DSCAM: variants seen among roughly 807,000 people sequenced by gnomAD.
DSCAM encodes DS cell adhesion molecule, also known as cell adhesion molecule DSCAM.
DSCAM carries 47 observed loss-of-function variants against 217.7 expected under a neutral mutation model. The observed-to-expected ratio is 0.22, with a 90% CI of 0.17 to 0.28. The LOEUF (loss-of-function observed/expected upper bound fraction) is 0.28, where lower values mean the gene tolerates loss of function less well. DSCAM is among the 10% of genes least tolerant of loss of function. The pLI is 1.00. For synonymous variants in DSCAM, 1,056 were observed against 1,015.3 expected (o/e 1.04, Z -0.76); for missense variants, 2,080 against 2,618.3 (o/e 0.79, Z 4.49).
At chr21:40,620,158 AAG>A (rs1291529822) in intron 3 of DSCAM, among the ~76,000 whole-genome samples, 1 of 124,236 alleles carries the variant, frequency 8.0e-6, no homozygotes, top group Non-Finnish European at 1.7e-5. Flanking sequence ...AAGAAAAAGA[AAG>A]AAAGAGAGAG....
At chr21:40,649,606 G>C (rs570252243) in intron 3 of DSCAM, among the ~76,000 whole-genome samples, 1 of 152,118 alleles carries the variant, frequency 6.6e-6, no homozygotes, top group South Asian at 2.1e-4. Context: ...AATGAGAACA[G>C]TGACACACAA....
chr21:40,308,052 G>T (rs944921378), intron 9 of DSCAM, among the ~76,000 whole-genome samples: 10 of 151,776 alleles, frequency 6.6e-5, no homozygotes, highest in African/African-American at 2.4e-4. Context: ...CCTGCACATT[G>T]TGCACATATA....
At chr21:40,348,723 T>C (rs2074594543) in intron 5 of DSCAM, among the ~76,000 whole-genome samples, 1 of 152,212 alleles carries the variant, frequency 6.6e-6, no homozygotes, top group Admixed American at 6.5e-5. Context: ...AGCATTTTGT[T>C]TGGGAACATC....
intron 11 of DSCAM, among the ~76,000 whole-genome samples, chr21:40,262,554 C>A (rs1009268858): frequency 6.6e-6 from 1 of 152,194 alleles, no homozygotes; most frequent in Non-Finnish European, 1.5e-5. Flanking sequence ...CAGCGTCACT[C>A]CAGAGTTAGG....
intron 11 of DSCAM, among the ~76,000 whole-genome samples, chr21:40,238,579 G>A (rs975137411): frequency 3.3e-5 from 5 of 152,326 alleles, no homozygotes; most frequent in Middle Eastern, 6.8e-3. Context: ...AGCGCTCTGA[G>A]TGGAAAGCAT....
intron 16 of DSCAM, among the ~76,000 whole-genome samples, chr21:40,160,825 T>A (rs2090532563): frequency 6.6e-6 from 1 of 152,208 alleles, no homozygotes; most frequent in Non-Finnish European, 1.5e-5. Context: ...ACACTTAGAT[T>A]TTTTGTGTTC....
intron 16 of DSCAM, among the ~76,000 whole-genome samples, chr21:40,148,174 GGTA>G (rs997416844): frequency 3.3e-5 from 5 of 152,106 alleles, no homozygotes; most frequent in South Asian, 2.1e-4. Context: ...GTTATTTGAT[GGTA>G]GTAGTGTTTT....
At chr21:40,405,244 T>C (rs920399009) in intron 3 of DSCAM, among the ~76,000 whole-genome samples, 2 of 152,186 alleles carry the variant, frequency 1.3e-5, no homozygotes, top group African/African-American at 4.8e-5. Context: ...CTTTCATGCA[T>C]TAAACTGGGA....
chr21:40,013,221 G>A lies in DSCAM; in HGVS notation c.5852C>T (p.Ala1951Val), dbSNP rs1390890927. ...TVLEPIPMEA[A>V]SSASSTREGQ... Reference sequence around the variant, plus strand: ...TTCTCTCGTGGAGGAGGCGGAGGAGGCGGCTTCCATCGGGATGGGCTCCAG... The same window carrying A: ...TTCTCTCGTGGAGGAGGCGGAGGAGACGGCTTCCATCGGGATGGGCTCCAG... Residue 1951 changes from alanine to valine, a missense_variant, in exon 33 of 33, where the codon GCC (alanine) becomes GTC (valine). Transcript: ENST00000400454. 1 of 1,613,902 alleles carries A rather than the reference G, an allele frequency of 6.2e-7. No individual in the cohort carries two copies. The highest frequency in any genetic ancestry group is 2.2e-5 in the East Asian group (1 of 44,854).
intron 32 of DSCAM, among the ~76,000 whole-genome samples, chr21:40,036,018 G>T (rs1449058933): frequency 1.5e-5 from 2 of 133,082 alleles, no homozygotes; most frequent in Non-Finnish European, 3.3e-5. Flanking sequence ...TCAAAGCAGT[G>T]TATAGAGGGA....
chr21:40,173,782 A>G (rs2090685790), intron 15 of DSCAM, among the ~76,000 whole-genome samples: 2 of 152,004 alleles, frequency 1.3e-5, no homozygotes, highest in Non-Finnish European at 2.9e-5. Flanking sequence ...CAAGGACTTA[A>G]CTCAGTGCCA....
At chr21:40,253,325 G>T (rs991064687) in intron 11 of DSCAM, among the ~76,000 whole-genome samples, 1 of 152,188 alleles carries the variant, frequency 6.6e-6, no homozygotes, top group Non-Finnish European at 1.5e-5. Context: ...CAAATAAATT[G>T]CATGTATTTG....
At chr21:40,341,788 T>G (rs535431456) in intron 6 of DSCAM, among the ~76,000 whole-genome samples, 1 of 152,360 alleles carries the variant, frequency 6.6e-6, no homozygotes, top group Admixed American at 6.5e-5. Flanking sequence ...TCTAACTCAC[T>G]GTCCACAGCA....
Position 40,353,567 on chromosome 21 carries a change from G to T in DSCAM, c.832C>A (p.Leu278Met). The T allele has an allele frequency of 1.9e-6, 3 of 1,610,570 alleles. No homozygotes were observed. The highest frequency in any genetic ancestry group is 2.5e-6 in the Non-Finnish European group (3 of 1,179,098). Residue 278 changes from leucine (L) to methionine (M), a missense_variant, in exon 5 of 33, where the codon CTG becomes ATG. By Grantham distance (15) the Leu-to-Met change is conservative. Around this residue, in one of 5 missense-constraint regions of DSCAM, gnomAD observed 568 missense variants for 678.1 expected, o/e 0.84. Coordinates refer to ENST00000400454, the MANE Select transcript of DSCAM (RefSeq NM_001389.5). ...SGRFQKTVTGLLIENIRPSDS... is the reference protein window; with the variant it reads ...SGRFQKTVTGMLIENIRPSDS... ...GAGGGGCGAATGTTCTCAATGAGCA[G>T]CCCCGTCACGGTCTTCTGGAACCTC...
chr21:40,402,537 A>AG (rs2075245749), intron 3 of DSCAM, among the ~76,000 whole-genome samples: 1 of 152,194 alleles, frequency 6.6e-6, no homozygotes, highest in African/African-American at 2.4e-5. Context: ...GATTTTTTCC[A>AG]CGGGGAGTAA....
At chr21:40,146,239 C>G (rs2090355335) in intron 16 of DSCAM, among the ~76,000 whole-genome samples, 2 of 149,100 alleles carry the variant, frequency 1.3e-5, no homozygotes, top group South Asian at 4.3e-4. Context: ...GGTGGGAAGA[C>G]TCAGAGCCCA....
chr21:40,760,012 T>TTTATTA (rs1418021225), intron 1 of DSCAM, among the ~76,000 whole-genome samples: 1 of 138,750 alleles, frequency 7.2e-6, no homozygotes, highest in Non-Finnish European at 1.6e-5. Context: ...TATTTATTTA[T>TTTATTA]GAGACAGAGT....
Position 40,339,173 on chromosome 21 carries a change from T to A in DSCAM, c.1453A>T (p.Thr485Ser). 6.2e-7 allele frequency: 1 copy of A among 1,614,196 alleles called. No homozygotes were observed. The highest frequency in any genetic ancestry group is 1.1e-5 in the South Asian group (1 of 91,080). The change falls in exon 7 of 33, where the codon ACT (threonine) becomes TCT (serine). Residue 485 changes from threonine (T) to serine (S), a missense_variant. Physicochemically the swap from Thr to Ser is moderately conservative, Grantham distance 58 (BLOSUM62 1). Around this residue, in one of 5 missense-constraint regions of DSCAM, gnomAD observed 568 missense variants for 678.1 expected, o/e 0.84. Coordinates refer to ENST00000400454, the MANE Select transcript of DSCAM (RefSeq NM_001389.5). ...QVRDGGVYRC[T>S]ANNSAGVVLY... is the part of the protein sequence containing the mutation. ...ACGACTCCCGCCGAGTTGTTGGCAG[T>A]GCAGCGGTAGACTCCCCCGTCCCGG... is the stretch of plus-strand genomic sequence containing the variant.
At chr21:40,111,822 C>T (rs1434876039) in intron 20 of DSCAM, among the ~76,000 whole-genome samples, 1 of 151,498 alleles carries the variant, frequency 6.6e-6, no homozygotes, top group Non-Finnish European at 1.5e-5. Flanking sequence ...ACAAAGAAGG[C>T]CATTACATAA....
Sources: gnomAD v4.1 joint callset for allele counts (sites outside exome capture counted in the v4.1 genomes callset) on GRCh38, gnomAD v4.1.1 for gene constraint, gnomAD v4.1.1 regional missense constraint, MANE v1.5 for transcripts, NCBI Gene and HGNC (gene_info 2026-07-23, HGNC 2026-07-21) for gene names.